The following ABCC4 variants were observed in gnomAD, a reference collection of about 807,000 sequenced individuals.
ABCC4 encodes ATP binding cassette subfamily C member 4 (PEL blood group).
A neutral mutation model predicts 168.5 loss-of-function variants in ABCC4; 102 were observed. The observed-to-expected ratio is 0.61, with a 90% CI of 0.52 to 0.71. ABCC4 has a LOEUF of 0.71. Ranked by LOEUF, ABCC4 falls within the 30% of genes least tolerant of loss-of-function variation. ABCC4 has a pLI of 0.00. For missense variants in ABCC4, 1,402 were observed against 1,605.8 expected (o/e 0.87, Z 2.17); for synonymous variants, 617 against 590.7 (o/e 1.04, Z -0.65).
chr13:95,062,156 T>C (rs1209695416), intron 26 of ABCC4, among the ~76,000 whole-genome samples: 2 of 152,164 alleles, frequency 1.3e-5, no homozygotes, highest in African/African-American at 2.4e-5. Flanking sequence ...CCGTCTCTCA[T>C]GTTCTTCCTT....
intron 19 of ABCC4, among the ~76,000 whole-genome samples, chr13:95,147,986 TATTG>T (rs1264035995): frequency 6.6e-6 from 1 of 152,154 alleles, no homozygotes; most frequent in African/African-American, 2.4e-5. Context: ...AAAAATACTC[TATTG>T]ATTTTCTTTT....
chr13:95,118,356 G>A (rs968371108), intron 19 of ABCC4, among the ~76,000 whole-genome samples: 6 of 151,482 alleles, frequency 4.0e-5, no homozygotes. Flanking sequence ...TGATTCTCCT[G>A]CCTCAGCCTC....
chr13:95,140,495 C>A (rs1265538033), intron 19 of ABCC4, among the ~76,000 whole-genome samples: 3 of 152,008 alleles, frequency 2.0e-5, no homozygotes, highest in African/African-American at 7.2e-5. Context: ...AAGATATCAA[C>A]AGAATAATTG....
At chr13:95,157,995 C>A (rs1157784150) in intron 19 of ABCC4, among the ~76,000 whole-genome samples, 12 of 151,674 alleles carry the variant, frequency 7.9e-5, no homozygotes, top group Admixed American at 5.3e-4. Context: ...TGGCATGAAC[C>A]CAGGAGGCAG....
Position 95,034,757 on chromosome 13 carries a change from G to C in ABCC4, c.3736-18C>G, listed in dbSNP as rs761265453. ...TCTAAAACCTGTTAATCAGCAGAAA[G>C]AAACCCATTGAAACACAATGTTTTG... On this transcript the variant is annotated intron_variant, in intron 29 of 30. Coordinates refer to ENST00000645237, the MANE Select transcript of ABCC4 (RefSeq NM_005845.5). 6.2e-7 allele frequency: 1 copy of C among 1,613,516 alleles called. No individual in the cohort carries two copies. Among genetic ancestry groups the C allele is most frequent in the South Asian group, 1.1e-5 (1 of 91,006 alleles).
At chr13:95,088,749 T>C (rs994330676) in intron 20 of ABCC4, among the ~76,000 whole-genome samples, 7 of 151,978 alleles carry the variant, frequency 4.6e-5, no homozygotes, top group Admixed American at 3.3e-4. Context: ...AACTTTTTTT[T>C]AAAGACAGGT....
At chr13:95,238,309 A>G (rs1267769728) in intron 3 of ABCC4, among the ~76,000 whole-genome samples, 1 of 151,928 alleles carries the variant, frequency 6.6e-6, no homozygotes, top group Non-Finnish European at 1.5e-5. Context: ...AACCATTAAG[A>G]CTCCAGATAT....
chr13:95,200,412 C>G (rs1377047374), intron 8 of ABCC4, among the ~76,000 whole-genome samples: 4 of 152,138 alleles, frequency 2.6e-5, no homozygotes, highest in Admixed American at 2.6e-4. Context: ...TTTTCAGGGA[C>G]ACGAGGACAC....
chr13:95,240,316 G>C (rs1354948013), intron 3 of ABCC4, among the ~76,000 whole-genome samples: 1 of 152,222 alleles, frequency 6.6e-6, no homozygotes, highest in Non-Finnish European at 1.5e-5. Context: ...TGGACCACTT[G>C]AGGTCAGGAG....
In ABCC4 at chr13:95,244,648, A is replaced by AGAAAGAAAGAAAGAAAGAAAGAAG. The variant is rs2040053465; in HGVS notation, c.306+2326_306+2327insCTTCTTTCTTTCTTTCTTTCTTTC. ...AAGAAAGAAAGAAAGAAAGAAAGAA[A>AGAAAGAAAGAAAGAAAGAAAGAAG]GAAAGAAAGAAAGAAAGAAAGAAAT... On this transcript the variant is annotated intron_variant, in intron 3 of 30. Transcript: ENST00000645237. 3.2e-5 allele frequency among the ~76,000 whole-genome samples: 2 copies of AGAAAGAAAGAAAGAAAGAAAGAAG among 61,772 alleles called. 1 individual carries two copies. Among genetic ancestry groups the AGAAAGAAAGAAAGAAAGAAAGAAG allele is most frequent in the Admixed American group, 2.8e-4 (2 of 7,128 alleles). The allele number at this position is 61,772 out of a possible 152,430, so 40.5% of individuals were successfully genotyped here.
At chr13:95,285,509 T>C (rs7996539) in intron 1 of ABCC4, among the ~76,000 whole-genome samples, 151,887 of 152,254 alleles carry the variant, frequency 1, 75,762 homozygotes, top group Middle Eastern at 1. Context: ...AAGATCACAC[T>C]ACTACACTCC....
intron 30 of ABCC4, among the ~76,000 whole-genome samples, chr13:95,029,167 C>CATATATAT (rs67576340): frequency 1.2e-5 from 1 of 82,940 alleles, no homozygotes; most frequent in African/African-American, 5.7e-5. Context: ...AAAAAAAATA[C>CATATATAT]ATATATATAT....
intron 19 of ABCC4, among the ~76,000 whole-genome samples, chr13:95,134,822 A>T (rs2036090413): frequency 2.0e-5 from 3 of 152,132 alleles, no homozygotes; most frequent in Non-Finnish European, 4.4e-5. Context: ...GGAGTGCAAG[A>T]GGGCAGTACC....
intron 21 of ABCC4, among the ~76,000 whole-genome samples, chr13:95,076,708 G>A (rs2033920688): frequency 6.6e-6 from 1 of 152,062 alleles, no homozygotes; most frequent in African/African-American, 2.4e-5. Context: ...CAGGTGATCT[G>A]CCCACCTCGG....
chr13:95,275,048 G>T (rs1459929056), intron 1 of ABCC4, among the ~76,000 whole-genome samples: 1 of 152,190 alleles, frequency 6.6e-6, no homozygotes, highest in Non-Finnish European at 1.5e-5. Flanking sequence ...CTGCACTCCA[G>T]CCTGGGCAAC....
intron 19 of ABCC4, among the ~76,000 whole-genome samples, chr13:95,141,858 C>T (rs2036328932): frequency 6.6e-6 from 1 of 152,194 alleles, no homozygotes; most frequent in Non-Finnish European, 1.5e-5. Context: ...GAACCAGTCT[C>T]CTGAGTGGCT....
intron 20 of ABCC4, among the ~76,000 whole-genome samples, chr13:95,101,554 C>G (rs2034807834): frequency 6.6e-6 from 1 of 151,948 alleles, no homozygotes; most frequent in South Asian, 2.1e-4. Context: ...TTGTTTTTTT[C>G]TAGTAGGAAG....
At chr13:95,202,906 C>T (rs995990307) in intron 8 of ABCC4, among the ~76,000 whole-genome samples, 4 of 152,120 alleles carry the variant, frequency 2.6e-5, no homozygotes, top group Non-Finnish European at 5.9e-5. Flanking sequence ...GTGATCCGTC[C>T]ACCTAGGCCT....
rs2037575172 is a variant in ABCC4 at position 95,174,059 on chromosome 13, AG to A, written c.1728-3432del. ...CCTGAATGGACTAAGACAAATAGGT[AG>A]GCAACAGTGTGGGAGATCTGATTAG... is the stretch of plus-strand genomic sequence containing the variant. On this transcript the variant is annotated intron_variant, in intron 13 of 30. Coordinates refer to ENST00000645237, the MANE Select transcript of ABCC4 (RefSeq NM_005845.5). Among the ~76,000 whole-genome samples the A allele has an allele frequency of 4.6e-5, 7 of 152,370 alleles. No homozygotes were observed. The South Asian group carries it at 1.4e-3, about 32-fold the overall frequency.
Sources: allele counts gnomAD v4.1 joint callset (sites outside exome capture counted in the v4.1 genomes callset), GRCh38; gene constraint gnomAD v4.1.1; transcripts MANE v1.5; gene names NCBI Gene and HGNC (gene_info 2026-07-23, HGNC 2026-07-21).